CPS1: variants seen among roughly 807,000 people sequenced by gnomAD.
CPS1 encodes the protein carbamoyl-phosphate synthase [ammonia], mitochondrial.
In CPS1, 109 loss-of-function variants were observed where a neutral mutation model predicts 174.6. The observed-to-expected ratio is 0.62, with a 90% CI of 0.53 to 0.73. The LOEUF (loss-of-function observed/expected upper bound fraction) is 0.73, where lower values mean the gene tolerates loss of function less well. CPS1 is among the 30% of genes least tolerant of loss of function. CPS1 has a pLI of 0.00. For synonymous variants in CPS1, 637 were observed against 632.0 expected (o/e 1.01, Z -0.12); for missense variants, 1,689 against 1,821.9 (o/e 0.93, Z 1.33).
chr2:210,524,532 T>C (rs149567734), intron 1 of CPS1, among the ~76,000 whole-genome samples: 1 of 151,944 alleles, frequency 6.6e-6, no homozygotes, highest in African/African-American at 2.4e-5. Flanking sequence ...CCAAATGTAT[T>C]TATCTGTTTC....
intron 21 of CPS1, among the ~76,000 whole-genome samples, chr2:210,626,890 A>G (rs575595244): frequency 6.6e-6 from 1 of 152,322 alleles, no homozygotes; most frequent in South Asian, 2.1e-4. Context: ...CTATTATAAT[A>G]AAGGTGAAAA....
At chr2:210,614,503 T>C (rs577784083) in intron 20 of CPS1, among the ~76,000 whole-genome samples, 1 of 152,120 alleles carries the variant, frequency 6.6e-6, no homozygotes, top group South Asian at 2.1e-4. Flanking sequence ...TGAACTAATT[T>C]ACACTCCCAC....
chr2:210,677,062 A>C lies in CPS1; in HGVS notation c.4330A>C (p.Lys1444Gln). 6.2e-7 allele frequency: 1 copy of C among 1,613,556 alleles called. No homozygotes were observed. The highest frequency in any genetic ancestry group is 8.5e-7 in the Non-Finnish European group (1 of 1,179,488). ...LVINLPNNNTKFVHDNYVIRR... is the reference protein window; with the variant it reads ...LVINLPNNNTQFVHDNYVIRR... ...GATTAACCTTCCCAACAACAACACT[A>C]AATTTGTCCATGATAATTATGTGAT... Residue 1444 changes from lysine to glutamine, a missense_variant, in exon 37 of 38, where the codon AAA becomes CAA. Transcript: ENST00000233072.
At chr2:210,512,176 A>G (rs893048083) in intron 1 of CPS1, among the ~76,000 whole-genome samples, 1 of 151,960 alleles carries the variant, frequency 6.6e-6, no homozygotes, top group African/African-American at 2.4e-5. Flanking sequence ...GTGTGCAAAT[A>G]TTTACTTATG....
At chr2:210,620,303 A>T (rs1417916518) in intron 21 of CPS1, among the ~76,000 whole-genome samples, 2 of 152,138 alleles carry the variant, frequency 1.3e-5, no homozygotes, top group Non-Finnish European at 2.9e-5. Flanking sequence ...TTATGGAAAT[A>T]ACTGATGAGT....
chr2:210,509,844 A>T (rs1290001954), intron 1 of CPS1, among the ~76,000 whole-genome samples: 1 of 152,148 alleles, frequency 6.6e-6, no homozygotes, highest in African/African-American at 2.4e-5. Flanking sequence ...CTTTAAGGAG[A>T]ACTACAAACC....
chr2:210,542,171 C>G (rs1288592726), intron 1 of CPS1, among the ~76,000 whole-genome samples: 1 of 152,102 alleles, frequency 6.6e-6, no homozygotes, highest in African/African-American at 2.4e-5. Flanking sequence ...ACTGGCCTGG[C>G]AAAACTCAGA....
intron 6 of CPS1, among the ~76,000 whole-genome samples, chr2:210,585,139 T>C (rs1698063068): frequency 6.6e-6 from 1 of 152,042 alleles, no homozygotes; most frequent in Non-Finnish European, 1.5e-5. Flanking sequence ...GTTGGCTCTT[T>C]GAGGGGAGAG....
chr2:210,664,563 T>C (rs1186778160), intron 33 of CPS1, among the ~76,000 whole-genome samples: 4 of 152,122 alleles, frequency 2.6e-5, no homozygotes, highest in Non-Finnish European at 5.9e-5. Flanking sequence ...GGTCTCGAAC[T>C]CCTGACCTCA....
At chr2:210,510,128 A>G (rs1695420727) in intron 1 of CPS1, among the ~76,000 whole-genome samples, 1 of 152,184 alleles carries the variant, frequency 6.6e-6, no homozygotes, top group East Asian at 1.9e-4. Context: ...TTCAAACTAT[A>G]CTACAAGGCA....
intron 1 of CPS1, among the ~76,000 whole-genome samples, chr2:210,559,678 T>C (rs1334338641): frequency 6.6e-6 from 1 of 152,150 alleles, no homozygotes; most frequent in Admixed American, 6.6e-5. Flanking sequence ...AACAGTGTAA[T>C]AGTGGGATAT....
chr2:210,593,572 C>G, intron 11 of CPS1: 1 of 985,536 alleles, frequency 1.0e-6, no homozygotes, highest in Non-Finnish European at 1.2e-6. Flanking sequence ...ATAAATTCTT[C>G]TGGTGATATC....
chr2:210,668,311 C>A, intron 34 of CPS1, 27 bp downstream of exon 34: 1 of 1,484,728 alleles, frequency 6.7e-7, no homozygotes, highest in Non-Finnish European at 9.4e-7. Context: ...TGTGTGCTTG[C>A]CCATGGTCAT....
chr2:210,553,271 A>T (rs748736921), upstream of CPS1, among the ~76,000 whole-genome samples: 7 of 151,882 alleles, frequency 4.6e-5, no homozygotes, highest in African/African-American at 9.7e-5. Flanking sequence ...AACAGAGATT[A>T]TGTTTGTGTG....
chr2:210,508,042 C>A (rs1695339344), intron 1 of CPS1, among the ~76,000 whole-genome samples: 1 of 152,074 alleles, frequency 6.6e-6, no homozygotes, highest in South Asian at 2.1e-4. Context: ...TAGACATCTA[C>A]AGAACTCTCC....
chr2:210,668,596 TTTACTC>T (rs1257372723), intron 34 of CPS1, among the ~76,000 whole-genome samples: 1 of 152,168 alleles, frequency 6.6e-6, no homozygotes, highest in African/African-American at 2.4e-5. Flanking sequence ...TTCTATATGT[TTTACTC>T]TTAGCTCTCC....
At chr2:210,633,985 T>C (rs1170450407) in intron 21 of CPS1, among the ~76,000 whole-genome samples, 1 of 152,188 alleles carries the variant, frequency 6.6e-6, no homozygotes, top group Non-Finnish European at 1.5e-5. Context: ...TGGTTATTGT[T>C]CTAATTTAGA....
rs748979682 is a variant in CPS1, at chr2:210,518,609, C to T, written c.4-38110C>T. Among the ~76,000 whole-genome samples, 102 of 151,954 alleles carry T rather than the reference C, an allele frequency of 6.7e-4. 1 individual carries two copies. Among genetic ancestry groups the T allele is most frequent in the Non-Finnish European group, 1.3e-3 (85 of 67,940 alleles). On this transcript the variant is annotated intron_variant, in intron 1 of 38. Transcript: ENST00000430249. Reference sequence around the variant, plus strand: ...TGTTGGACCTTGGGAAAGGAAGTCACGTAAGAAAAGGAACAGGGTCTCATT... The same window carrying T: ...TGTTGGACCTTGGGAAAGGAAGTCATGTAAGAAAAGGAACAGGGTCTCATT...
At chr2:210,657,922 T>C (rs1245975192) in intron 30 of CPS1, among the ~76,000 whole-genome samples, 1 of 152,236 alleles carries the variant, frequency 6.6e-6, no homozygotes, top group Admixed American at 6.5e-5. Flanking sequence ...CAGAGCTCAA[T>C]GTGTCATAGA....
Sources: gnomAD v4.1 joint callset for allele counts (sites outside exome capture counted in the v4.1 genomes callset) on GRCh38, gnomAD v4.1.1 for gene constraint, MANE v1.5 for transcripts, NCBI Gene and HGNC (gene_info 2026-07-23, HGNC 2026-07-21) for gene names.